The following NR3C2 variants were observed in gnomAD, a reference collection of about 807,000 sequenced individuals.
NR3C2 encodes mineralocorticoid receptor.
A neutral mutation model predicts 86.4 loss-of-function variants in NR3C2; 15 were observed. The ratio of observed to expected loss-of-function variants is 0.17; its 90% confidence interval spans 0.12 to 0.27. The LOEUF (loss-of-function observed/expected upper bound fraction) is 0.27. NR3C2 is among the 10% of genes least tolerant of loss of function. The pLI, the probability that NR3C2 is intolerant of heterozygous loss-of-function variation, is 1.00. For missense variants in NR3C2, 960 were observed against 1,195.6 expected (o/e 0.80, Z 2.91); for synonymous variants, 458 against 450.5 (o/e 1.02, Z -0.21).
chr4:148,246,900 C>T (rs1739341702), intron 3 of NR3C2, among the ~76,000 whole-genome samples: 1 of 152,176 alleles, frequency 6.6e-6, no homozygotes, highest in African/African-American at 2.4e-5. Flanking sequence ...AACTTTATAT[C>T]TAAAACCATT....
chr4:148,307,245 T>G (rs1742675987), intron 2 of NR3C2, among the ~76,000 whole-genome samples: 1 of 152,220 alleles, frequency 6.6e-6, no homozygotes, highest in African/African-American at 2.4e-5. Context: ...TTTTCTCTGT[T>G]GAATTCTCTC....
At chr4:148,414,656 G>A (rs144805062) in intron 2 of NR3C2, among the ~76,000 whole-genome samples, 1 of 152,052 alleles carries the variant, frequency 6.6e-6, no homozygotes, top group Non-Finnish European at 1.5e-5. Context: ...ATTACCAGTT[G>A]GTCAGACTTA....
intron 4 of NR3C2, among the ~76,000 whole-genome samples, chr4:148,166,306 T>C (rs142279051): frequency 6.6e-6 from 1 of 152,274 alleles, no homozygotes; most frequent in Non-Finnish European, 1.5e-5. Flanking sequence ...TTGAGGCACT[T>C]TGATGATGTC....
intron 6 of NR3C2, among the ~76,000 whole-genome samples, chr4:148,136,071 A>C (rs1330680692): frequency 1.3e-4 from 6 of 44,554 alleles, no homozygotes; most frequent in East Asian, 2.2e-3. Context: ...AAAAAAAAAA[A>C]AAAAACAAAA....
chr4:148,189,387 A>T (rs182874067), intron 4 of NR3C2, among the ~76,000 whole-genome samples: 3 of 152,274 alleles, frequency 2.0e-5, no homozygotes. Flanking sequence ...CTGGTATGAA[A>T]CCCACTTGAT....
chr4:148,440,780 A>G (rs1214135446), intron 1 of NR3C2, among the ~76,000 whole-genome samples: 1 of 152,242 alleles, frequency 6.6e-6, no homozygotes, highest in South Asian at 2.1e-4. Context: ...CCTTTTCCAT[A>G]AAGAAGTACT....
intron 2 of NR3C2, among the ~76,000 whole-genome samples, chr4:148,349,655 AT>A (rs1263124779): frequency 6.8e-6 from 1 of 146,644 alleles, no homozygotes; most frequent in Non-Finnish European, 1.5e-5. Context: ...GGAAAAAAAA[AT>A]TCATAATAAC....
intron 3 of NR3C2, among the ~76,000 whole-genome samples, chr4:148,204,161 A>G (rs534162280): frequency 2.6e-5 from 4 of 152,334 alleles, no homozygotes; most frequent in African/African-American, 9.6e-5. Context: ...ATAATCAAAG[A>G]TAATATTATA....
chr4:148,270,854 A>G (rs1458678806), intron 2 of NR3C2, among the ~76,000 whole-genome samples: 2 of 152,140 alleles, frequency 1.3e-5, no homozygotes, highest in African/African-American at 4.8e-5. Context: ...TCCTATGCTC[A>G]CTTTTAACTG....
chr4:148,284,154 G>A (rs1318754129), intron 2 of NR3C2, among the ~76,000 whole-genome samples: 2 of 152,120 alleles, frequency 1.3e-5, no homozygotes, highest in African/African-American at 4.8e-5. Flanking sequence ...TCTGGGTTAT[G>A]TAGAGCCTTA....
chr4:148,152,591 C>T lies in NR3C2; in HGVS notation c.2388G>A (p.Glu796=). 1 of 1,613,988 alleles carries T rather than the reference C, an allele frequency of 6.2e-7. No individual in the cohort carries two copies. The highest frequency in any genetic ancestry group is 8.5e-7 in the Non-Finnish European group (1 of 1,179,922). ...VLPGFKNLPL[E]DQITLIQYSW... ...AATACTGGATTAGGGTAATTTGGTC[C>T]TCAAGAGGCAAGTTTTTAAATCCTG... Residue 796 remains glutamate (E), a synonymous_variant, in exon 6 of 9, where the codon GAG becomes GAA. Coordinates refer to ENST00000358102, the MANE Select transcript of NR3C2 (RefSeq NM_000901.5).
intron 2 of NR3C2, among the ~76,000 whole-genome samples, chr4:148,264,764 T>C (rs1740292202): frequency 6.6e-6 from 1 of 152,184 alleles, no homozygotes; most frequent in Non-Finnish European, 1.5e-5. Context: ...CAAATTGAGC[T>C]CAAACTCAAA....
At chr4:148,365,440 C>A (rs1746063706) in intron 2 of NR3C2, among the ~76,000 whole-genome samples, 1 of 152,266 alleles carries the variant, frequency 6.6e-6, no homozygotes, top group East Asian at 1.9e-4. Context: ...GTTCCCCTAC[C>A]CAGAATTTCT....
At chr4:148,444,359 C>T (rs1750492658), upstream of NR3C2, 1 of 985,246 alleles carries the variant, frequency 1.0e-6, no homozygotes, top group South Asian at 4.7e-5. Context: ...AGCACCCTTG[C>T]CCCAGGGCCG....
chr4:148,376,197 G>C (rs182697448), intron 2 of NR3C2, among the ~76,000 whole-genome samples: 9 of 146,740 alleles, frequency 6.1e-5, no homozygotes, highest in African/African-American at 2.3e-4. Context: ...CACAACAACT[G>C]TTTTTCTCTC....
intron 7 of NR3C2, among the ~76,000 whole-genome samples, chr4:148,119,293 C>T (rs914782326): frequency 2.0e-5 from 3 of 152,234 alleles, no homozygotes; most frequent in Middle Eastern, 3.4e-3. Flanking sequence ...TATAGACTTC[C>T]CCACAGGTCC....
intron 3 of NR3C2, among the ~76,000 whole-genome samples, chr4:148,245,712 T>C (rs1739282176): frequency 6.6e-6 from 1 of 152,122 alleles, no homozygotes; most frequent in South Asian, 2.1e-4. Context: ...TCAATTACTA[T>C]TAAAATGAAA....
intron 3 of NR3C2, among the ~76,000 whole-genome samples, chr4:148,220,395 CAAT>C (rs1156281515): frequency 6.6e-6 from 1 of 152,090 alleles, no homozygotes; most frequent in Non-Finnish European, 1.5e-5. Context: ...GCCAGATCTT[CAAT>C]AATTTTTAAA....
At chr4:148,305,890 C>G (rs1742591021) in intron 2 of NR3C2, among the ~76,000 whole-genome samples, 1 of 152,208 alleles carries the variant, frequency 6.6e-6, no homozygotes, top group Admixed American at 6.5e-5. Context: ...GCTGCATTTA[C>G]TGTACGTGTC....
Sources: allele counts gnomAD v4.1 joint callset (sites outside exome capture counted in the v4.1 genomes callset), GRCh38; gene constraint gnomAD v4.1.1; transcripts MANE v1.5; gene names NCBI Gene and HGNC (gene_info 2026-07-23, HGNC 2026-07-21).